CTNNA3: variants seen among roughly 807,000 people sequenced by gnomAD.
CTNNA3 encodes the protein catenin alpha 3, also known as catenin alpha-3.
CTNNA3 carries 76 observed loss-of-function variants against 95.7 expected under a neutral mutation model. The ratio of observed to expected loss-of-function variants is 0.79; its 90% confidence interval spans 0.66 to 0.96. CTNNA3 has a LOEUF of 0.96. Among genes scored for constraint, CTNNA3 ranks in the 40% least tolerant of loss-of-function variants. The probability of loss-of-function intolerance (pLI) is 0.00; values close to 1 mark genes in which losing one functional copy is unlikely to be tolerated. For synonymous variants in CTNNA3, 431 were observed against 374.4 expected (o/e 1.15, Z -1.74); for missense variants, 1,191 against 1,089.8 (o/e 1.09, Z -1.31).
intron 6 of CTNNA3, among the ~76,000 whole-genome samples, chr10:67,185,629 C>T (rs995291699): frequency 1.3e-5 from 2 of 152,156 alleles, no homozygotes; most frequent in African/African-American, 2.4e-5. Flanking sequence ...CTTCATTCAT[C>T]TAAGTCTTCC....
upstream of CTNNA3, among the ~76,000 whole-genome samples, chr10:67,700,710 G>A (rs1407949072): frequency 6.6e-6 from 1 of 152,160 alleles, no homozygotes; most frequent in Non-Finnish European, 1.5e-5. Context: ...ACTCTAAAAA[G>A]CAGAGCGCCT....
intron 7 of CTNNA3, among the ~76,000 whole-genome samples, chr10:67,062,953 T>C (rs1012282197): frequency 6.6e-6 from 1 of 152,164 alleles, no homozygotes; most frequent in Non-Finnish European, 1.5e-5. Context: ...CTCTCTCATA[T>C]GCTGAGAGTT....
intron 13 of CTNNA3, among the ~76,000 whole-genome samples, chr10:66,133,304 C>T (rs2083204504): frequency 1.3e-5 from 2 of 152,142 alleles, no homozygotes; most frequent in Admixed American, 1.3e-4. Context: ...TACTTGAGGT[C>T]AGGAGTTCGA....
At chr10:66,996,206 TTA>T (rs1236655806) in intron 7 of CTNNA3, among the ~76,000 whole-genome samples, 2 of 152,216 alleles carry the variant, frequency 1.3e-5, no homozygotes, top group Admixed American at 1.3e-4. Flanking sequence ...GAGACTGATA[TTA>T]TATAATTAGA....
chr10:67,393,329 CT>C (rs1277235665), intron 5 of CTNNA3, among the ~76,000 whole-genome samples: 1 of 144,104 alleles, frequency 6.9e-6, no homozygotes, highest in African/African-American at 2.4e-5. Context: ...ATGAAATTAA[CT>C]AATCTTGCCA....
At chr10:67,743,651 G>C (rs1462093999) in intron 1 of CTNNA3, among the ~76,000 whole-genome samples, 2 of 151,204 alleles carry the variant, frequency 1.3e-5, no homozygotes, top group African/African-American at 4.8e-5. Context: ...GTTCAGGCCA[G>C]GGCAATCAGG....
chr10:67,363,074 TAC>T (rs1210612462), intron 5 of CTNNA3, among the ~76,000 whole-genome samples: 43 of 151,314 alleles, frequency 2.8e-4, no homozygotes, highest in African/African-American at 1.0e-3. Flanking sequence ...AAAAGATCTC[TAC>T]AAGGAGATCT....
intron 11 of CTNNA3, among the ~76,000 whole-genome samples, chr10:66,427,470 T>C (rs1054942568): frequency 8.5e-5 from 13 of 152,082 alleles, no homozygotes; most frequent in African/African-American, 2.4e-4. Context: ...CTTCAAACTA[T>C]ACAGTAGGCA....
chr10:65,955,046 G>A (rs894235416), intron 17 of CTNNA3, among the ~76,000 whole-genome samples: 1 of 152,044 alleles, frequency 6.6e-6, no homozygotes. Flanking sequence ...ATTTGTTTGT[G>A]TCCTCTTTTA....
chr10:66,359,063 A>G (rs139682743), intron 12 of CTNNA3, among the ~76,000 whole-genome samples: 1 of 152,204 alleles, frequency 6.6e-6, no homozygotes, highest in Non-Finnish European at 1.5e-5. Flanking sequence ...GTTTATTGGT[A>G]TCCTCACAGC....
chr10:66,265,174 T>C (rs576637756), intron 13 of CTNNA3, among the ~76,000 whole-genome samples: 1 of 152,080 alleles, frequency 6.6e-6, no homozygotes, highest in Non-Finnish European at 1.5e-5. Flanking sequence ...TATCCACATA[T>C]TGGCCAACAA....
At chr10:66,157,062 A>G (rs769274109) in intron 13 of CTNNA3, among the ~76,000 whole-genome samples, 10 of 151,608 alleles carry the variant, frequency 6.6e-5, no homozygotes, top group Non-Finnish European at 1.2e-4. Flanking sequence ...ATTTTTCCAT[A>G]AGTTATTGGG....
intron 7 of CTNNA3, among the ~76,000 whole-genome samples, chr10:66,929,219 C>A (rs1847236645): frequency 6.6e-6 from 1 of 152,208 alleles, no homozygotes; most frequent in South Asian, 2.1e-4. Flanking sequence ...TTTCTTCTAG[C>A]CTGTATGTTT....
intron 13 of CTNNA3, among the ~76,000 whole-genome samples, chr10:66,178,444 C>A (rs559164044): frequency 2.2e-5 from 2 of 90,884 alleles, no homozygotes; most frequent in Non-Finnish European, 4.6e-5. Flanking sequence ...TATATATATA[C>A]ACACACAGAT....
chr10:66,266,146 AG>A (rs2091149517), intron 13 of CTNNA3, among the ~76,000 whole-genome samples: 1 of 151,302 alleles, frequency 6.6e-6, no homozygotes, highest in African/African-American at 2.4e-5. Context: ...GAAGGAAAGA[AG>A]GAAGGAAGGA....
chr10:67,514,115 A>C (rs1397674903), intron 5 of CTNNA3, among the ~76,000 whole-genome samples: 1 of 152,138 alleles, frequency 6.6e-6, no homozygotes, highest in African/African-American at 2.4e-5. Context: ...CCTGGGCAAC[A>C]TGGTGAAACC....
intron 15 of CTNNA3, among the ~76,000 whole-genome samples, chr10:66,061,446 G>A (rs1589309664): frequency 6.6e-6 from 1 of 152,182 alleles, no homozygotes. Flanking sequence ...GTCTCCAACT[G>A]TGGCCGGATC....
At chr10:67,747,499 C>G (rs746819912) in intron 1 of CTNNA3, among the ~76,000 whole-genome samples, 1 of 152,092 alleles carries the variant, frequency 6.6e-6, no homozygotes, top group Non-Finnish European at 1.5e-5. Flanking sequence ...GAAGTGAAAC[C>G]CCAGCAAACC....
intron 6 of CTNNA3, among the ~76,000 whole-genome samples, chr10:67,185,662 T>C (rs1862803966): frequency 6.6e-6 from 1 of 152,170 alleles, no homozygotes; most frequent in South Asian, 2.1e-4. Flanking sequence ...TTGCCACTTT[T>C]ACCACATCTT....
Sources: allele counts gnomAD v4.1 joint callset (sites outside exome capture counted in the v4.1 genomes callset), GRCh38; gene constraint gnomAD v4.1.1; transcripts MANE v1.5; gene names NCBI Gene and HGNC (gene_info 2026-07-23, HGNC 2026-07-21).